ZFPM1: variants seen among roughly 807,000 people sequenced by gnomAD.
ZFPM1 encodes the protein zinc finger protein ZFPM1.
A neutral mutation model predicts 46.3 loss-of-function variants in ZFPM1; 28 were observed. The observed-to-expected ratio is 0.60, with a 90% confidence interval of 0.45 to 0.83. ZFPM1 has a LOEUF of 0.83. Among genes scored for constraint, ZFPM1 ranks in the 40% least tolerant of loss-of-function variants. ZFPM1 has a pLI of 0.00. For missense variants in ZFPM1, 1,878 were observed against 1,432.4 expected (o/e 1.31, Z -5.02); for synonymous variants, 957 against 675.9 (o/e 1.42, Z -6.45).
intron 4 of ZFPM1, among the ~76,000 whole-genome samples, chr16:88,524,398 GCTGGCGTGCAGTTCCTGAGCC>G (rs1912150229): frequency 6.6e-6 from 1 of 152,184 alleles, no homozygotes; most frequent in South Asian, 2.1e-4. Context: ...GAGCCCCACA[GCTGGCGTGCAGTTCCTGAGCC>G]CTGCTCTGCG....
At chr16:88,489,418 G>A (rs75818869) in intron 3 of ZFPM1, 67 of 441,888 alleles carry the variant, frequency 1.5e-4, no homozygotes, top group South Asian at 6.2e-4. Flanking sequence ...GGTCTGGGCC[G>A]CGGAAGAGGA....
intron 1 of ZFPM1, among the ~76,000 whole-genome samples, chr16:88,468,178 G>A (rs1298313896): frequency 2.7e-5 from 3 of 111,034 alleles, no homozygotes; most frequent in African/African-American, 3.6e-5. Context: ...AGGCCCTGAC[G>A]CACCCGCGAG....
chr16:88,534,016 G>C lies in ZFPM1; in HGVS notation c.2058G>C (p.Glu686Asp), dbSNP rs1913042365. The change falls in exon 10 of 10, where the codon GAG (glutamate) becomes GAC (aspartate). Residue 686 changes from glutamate to aspartate, a missense_variant. Coordinates refer to ENST00000319555, the MANE Select transcript of ZFPM1 (RefSeq NM_153813.3). The part of the protein sequence containing the change: ...AEDDPSRTLC[E>D]ACNIRFSRHE... The stretch of plus-strand genomic sequence containing the variant: ...ACGACCCCAGCCGCACGCTGTGCGA[G>C]GCCTGCAACATCCGCTTCAGCCGCC... 2 of 1,380,448 alleles carry C rather than the reference G, an allele frequency of 1.4e-6. No individual in the cohort carries two copies. Among genetic ancestry groups the C allele is most frequent in the African/African-American group, 1.5e-5 (1 of 64,924 alleles). The allele number at this position is 1,380,448 out of a possible 1,614,324, so 85.5% of individuals were successfully genotyped here.
chr16:88,520,048 T>C (rs1280019967), intron 4 of ZFPM1, among the ~76,000 whole-genome samples: 1 of 148,022 alleles, frequency 6.8e-6, no homozygotes, highest in Non-Finnish European at 1.5e-5. Flanking sequence ...CAGGTGGATG[T>C]ATGCATGAAT....
chr16:88,462,565 C>T (rs561550201), intron 1 of ZFPM1, among the ~76,000 whole-genome samples: 2 of 152,214 alleles, frequency 1.3e-5, no homozygotes, highest in Non-Finnish European at 2.9e-5. Context: ...TGCCTAGGAC[C>T]TCCTGGACTG....
Position 88,535,988 on chromosome 16 carries a change from ACTCT to A in ZFPM1, c.*1012_*1015del, listed in dbSNP as rs1195604201. 6.6e-6 allele frequency: 1 copy of A among 151,960 alleles called. No individual in the cohort carries two copies. The highest frequency in any genetic ancestry group is 1.9e-4 in the East Asian group (1 of 5,186). 9.4% of individuals were successfully genotyped at this position (151,960 alleles called of 1,614,324 possible). A position where few individuals can be genotyped will look rare whatever the true frequency, so the allele number is the denominator to read the frequency against. ...CTTTATTTTTTTATTTTTGGGTCTC[ACTCT>A]CTTGCCCAGGCTGGAGTCCCTGGGA... On this transcript the variant is annotated 3_prime_UTR_variant, in exon 10 of 10. Coordinates refer to ENST00000319555, the MANE Select transcript of ZFPM1 (RefSeq NM_153813.3).
chr16:88,519,581 A>C (rs940903783), intron 4 of ZFPM1, among the ~76,000 whole-genome samples: 1 of 113,560 alleles, frequency 8.8e-6, no homozygotes, highest in African/African-American at 3.4e-5. Flanking sequence ...GATGAATGGG[A>C]GGGTGGGTGG....
chr16:88,527,206 G>T (rs77245956), intron 5 of ZFPM1, among the ~76,000 whole-genome samples: 2 of 152,148 alleles, frequency 1.3e-5, no homozygotes, highest in African/African-American at 4.8e-5. Context: ...CGTGATCCCC[G>T]TATCTCCTCC....
At chr16:88,486,113 C>T (rs1318665436) in intron 2 of ZFPM1, 70 bp downstream of exon 2, 9 of 1,466,120 alleles carry the variant, frequency 6.1e-6, no homozygotes, top group Non-Finnish European at 8.4e-6. Context: ...ACCATGCCCT[C>T]AGAGCTCAGT....
At chr16:88,488,668 C>A (rs562257490) in intron 2 of ZFPM1, among the ~76,000 whole-genome samples, 1 of 151,986 alleles carries the variant, frequency 6.6e-6, no homozygotes. Context: ...GGGCTGGAAT[C>A]GGTGCAGGGC....
rs903634466 is a variant in ZFPM1 at position 88,534,964 on chromosome 16, C to G, written c.3006C>G (p.Ala1002=). 1 of 1,470,494 alleles carries G rather than the reference C, an allele frequency of 6.8e-7. No homozygotes were observed. Among genetic ancestry groups the G allele is most frequent in the Non-Finnish European group, 9.1e-7 (1 of 1,099,196 alleles). The allele number at this position is 1,470,494 out of a possible 1,614,324, so 91.1% of individuals were successfully genotyped here. The change falls in exon 10 of 10, where the codon GCC becomes GCG. Residue 1002 remains alanine, a synonymous_variant. Coordinates refer to ENST00000319555, the MANE Select transcript of ZFPM1 (RefSeq NM_153813.3). ...HKKYYCSSHA[A]EHVK is the part of the protein sequence containing the mutation. The stretch of plus-strand genomic sequence containing the variant: ...AGTATTACTGCTCCTCGCACGCCGC[C>G]GAGCACGTGAAGTGAGCGCCCACAC...
At position 88,529,921 on chromosome 16, in the gene ZFPM1, G is replaced by A. The variant is rs1025865201; in HGVS notation, c.712+1683G>A. Among the ~76,000 whole-genome samples the A allele has an allele frequency of 1.2e-4, 19 of 152,168 alleles. 1 individual carries two copies. The highest frequency in any genetic ancestry group is 4.4e-5 in the Non-Finnish European group (3 of 68,014). On this transcript the variant is annotated intron_variant, in intron 6 of 9. Coordinates refer to ENST00000319555, the MANE Select transcript of ZFPM1 (RefSeq NM_153813.3). ...AATAGCTGGTGACACTGGAGAGAAC[G>A]GGCCGAGCGGCCAGGTCCACACCTA...
chr16:88,534,861 T>C lies in ZFPM1; in HGVS notation c.2903T>C (p.Leu968Pro), dbSNP rs200961675. 2.6e-6 allele frequency: 4 copies of C among 1,565,496 alleles called. No homozygotes were observed. Among genetic ancestry groups the C allele is most frequent in the African/African-American group, 2.8e-5 (2 of 71,320 alleles). Reference protein sequence around the residue: ...QTPSKGTPAPLPNGNHRYCRL... With the variant: ...QTPSKGTPAPPPNGNHRYCRL... ...CCCAGCAAGGGCACGCCGGCGCCGCTGCCCAACGGCAACCACCGGTACTGC... is the reference window on the plus strand; with the variant it reads ...CCCAGCAAGGGCACGCCGGCGCCGCCGCCCAACGGCAACCACCGGTACTGC... The change falls in exon 10 of 10, where the codon CTG (leucine) becomes CCG (proline). Residue 968 changes from leucine (L) to proline (P), a missense_variant. Physicochemically the swap from Leu to Pro is moderately conservative, Grantham distance 98. Transcript: ENST00000319555.
chr16:88,526,787 C>CCACGTGTT, intron 4 of ZFPM1, 27 bp from the exon 5 acceptor site: 1 of 1,514,236 alleles, frequency 6.6e-7, no homozygotes, highest in Non-Finnish European at 8.8e-7. Flanking sequence ...GGACCCCTCC[C>CCACGTGTT]CACGTGTTCC....
upstream of ZFPM1, among the ~76,000 whole-genome samples, chr16:88,453,152 G>A (rs1454440582): frequency 6.8e-6 from 1 of 147,572 alleles, no homozygotes; most frequent in Non-Finnish European, 1.5e-5. Flanking sequence ...GCGTGGCCGC[G>A]GCGCTGGGGG....
chr16:88,506,820 C>A (rs886094655), intron 3 of ZFPM1, among the ~76,000 whole-genome samples: 5 of 152,186 alleles, frequency 3.3e-5, no homozygotes, highest in Non-Finnish European at 5.9e-5. Flanking sequence ...AGAAGCCAGG[C>A]TAATCTGCAG....
intron 3 of ZFPM1, among the ~76,000 whole-genome samples, chr16:88,490,613 C>T (rs1038880345): frequency 8.5e-5 from 13 of 152,172 alleles, no homozygotes; most frequent in African/African-American, 1.2e-4. Flanking sequence ...TCCATGTGCC[C>T]GCCGGTGCAA....
chr16:88,501,093 CAGG>C lies in ZFPM1; in HGVS notation c.268+11941_268+11943del, dbSNP rs1910238621. 3.4e-5 allele frequency among the ~76,000 whole-genome samples: 5 copies of C among 146,974 alleles called. 1 individual carries two copies. Among genetic ancestry groups the C allele is most frequent in the African/African-American group, 1.3e-4 (5 of 39,004 alleles). ...GGTCATGGATGCGGGGGCCCTCCCG[CAGG>C]TGCTGGTGATGATGGAGATAGCAGA... On this transcript the variant is annotated intron_variant, in intron 3 of 9. Coordinates refer to ENST00000319555, the MANE Select transcript of ZFPM1 (RefSeq NM_153813.3).
At chr16:88,474,957 G>A (rs536379042) in intron 1 of ZFPM1, among the ~76,000 whole-genome samples, 32 of 152,334 alleles carry the variant, frequency 2.1e-4, no homozygotes, top group South Asian at 6.2e-4. Flanking sequence ...AGAGCCAGTC[G>A]CCAGCTAGAT....
Sources: allele counts gnomAD v4.1 joint callset (sites outside exome capture counted in the v4.1 genomes callset), GRCh38; gene constraint gnomAD v4.1.1; transcripts MANE v1.5; gene names NCBI Gene and HGNC (gene_info 2026-07-23, HGNC 2026-07-21).